The following SH3BP4 variants were observed in gnomAD, a reference collection of about 807,000 sequenced individuals.
SH3BP4 encodes SH3 domain-binding protein 4.
Under a neutral mutation model 65.5 loss-of-function variants are expected in SH3BP4, and 33 were observed. That is an observed-to-expected ratio of 0.50 (90% CI 0.38 to 0.67). SH3BP4 has a LOEUF of 0.67. SH3BP4 is among the 30% of genes least tolerant of loss of function. The pLI is 0.00. For synonymous variants in SH3BP4, 552 were observed against 545.5 expected, an observed-to-expected ratio of 1.01 and a Z score of -0.17; for missense variants, 1,134 against 1,261.4, an observed-to-expected ratio of 0.90 and a Z score of 1.53.
At chr2:235,024,884 A>G (rs6706071) in intron 2 of SH3BP4, among the ~76,000 whole-genome samples, 28,686 of 151,998 alleles carry the variant, frequency 0.19, 3,090 homozygotes, top group East Asian at 0.42. Context: ...TTGCGGTCTT[A>G]AGTGGCAGGT....
intron 1 of SH3BP4, among the ~76,000 whole-genome samples, chr2:234,984,077 G>C (rs1188746205): frequency 6.6e-6 from 1 of 152,240 alleles, no homozygotes; most frequent in Non-Finnish European, 1.5e-5. Context: ...CTGCTGACAC[G>C]TGGGCTGGGG....
chr2:235,042,326 G>C lies in SH3BP4; in HGVS notation c.1557G>C (p.Val519=). 1 of 1,614,112 alleles carries C rather than the reference G, an allele frequency of 6.2e-7. No individual in the cohort carries two copies. Among genetic ancestry groups the C allele is most frequent in the Non-Finnish European group, 8.5e-7 (1 of 1,180,018 alleles). ...GCCAGGCACCCAACCCTGCCCCGGT[G>C]GCCCTGCAGCTGTGGGGGAAGCACC... ...VTRQAPNPAP[V]ALQLWGKHQF... Residue 519 remains valine, a synonymous_variant, in exon 4 of 6, where the codon GTG becomes GTC. Transcript: ENST00000392011. The surrounding 1 kb of genome is among the most constrained non-coding windows in gnomAD (Gnocchi z 7.3).
chr2:234,997,939 G>A lies in SH3BP4; in HGVS notation c.-133+2563G>A, dbSNP rs1170507127. Among the ~76,000 whole-genome samples the A allele has an allele frequency of 2.6e-5, 4 of 152,008 alleles. No homozygotes were observed. Among genetic ancestry groups the A allele is most frequent in the Non-Finnish European group, 5.9e-5 (4 of 68,026 alleles). ...AGATCAAGACCATCCTGTCTAACAC[G>A]GTGAAACCCTGTCTCTACTAAAAAT... On this transcript the variant is annotated intron_variant, in intron 2 of 5. Coordinates refer to ENST00000392011, the MANE Select transcript of SH3BP4 (RefSeq NM_014521.3). This position sits in a 1 kb window ranked among gnomAD's most constrained non-coding sequence, Gnocchi z 4.2.
rs1574837351 is a variant in SH3BP4 at position 235,034,433 on chromosome 2, A to G, written c.-132-438A>G. 1.3e-5 allele frequency among the ~76,000 whole-genome samples: 2 copies of G among 152,126 alleles called. No individual in the cohort carries two copies. Among genetic ancestry groups the G allele is most frequent in the African/African-American group, 2.4e-5 (1 of 41,440 alleles). On this transcript the variant is annotated intron_variant, in intron 2 of 5. Transcript: ENST00000392011. This position sits in a 1 kb window ranked among gnomAD's most constrained non-coding sequence, Gnocchi z 6.2. Reference sequence around the variant, plus strand: ...GGCTGCTTCCCGGGGCCGAGTCACCATGATGACTGCCCCTGCGCTGGGATC... The same window carrying G: ...GGCTGCTTCCCGGGGCCGAGTCACCGTGATGACTGCCCCTGCGCTGGGATC...
At chr2:235,010,614 A>T (rs1694450444) in intron 2 of SH3BP4, among the ~76,000 whole-genome samples, 1 of 152,180 alleles carries the variant, frequency 6.6e-6, no homozygotes, top group South Asian at 2.1e-4. Context: ...CTGCTGTAAC[A>T]CAGTGCCAAG....
In SH3BP4 at chr2:235,042,656, C is replaced by T. The variant is rs553943312; in HGVS notation, c.1887C>T (p.Asn629=). 26 of 1,614,142 alleles carry T rather than the reference C, an allele frequency of 1.6e-5. No individual in the cohort carries two copies. Among genetic ancestry groups the T allele is most frequent in the African/African-American group, 5.3e-5 (4 of 75,020 alleles). Residue 629 remains asparagine, a synonymous_variant, in exon 4 of 6, where the codon AAC becomes AAT. Transcript: ENST00000392011. The surrounding 1 kb of genome is among the most constrained non-coding windows in gnomAD (Gnocchi z 7.3). ...GGCAAAGGAGGTTTCTCAAGAAGAA[C>T]GAAGTCGGGAAAATCATCCTGTCCC... is the stretch of plus-strand genomic sequence containing the variant. ...PSGQRRFLKK[N]EVGKIILSPF... is the part of the protein sequence containing the mutation.
chr2:234,989,502 C>T (rs565719534), intron 1 of SH3BP4, among the ~76,000 whole-genome samples: 2 of 152,198 alleles, frequency 1.3e-5, no homozygotes, highest in Admixed American at 1.3e-4. Flanking sequence ...GCCTACATCC[C>T]GCCTGGCCCT....
chr2:234,989,218 A>G (rs1693676018), intron 1 of SH3BP4, among the ~76,000 whole-genome samples: 1 of 152,044 alleles, frequency 6.6e-6, no homozygotes, highest in African/African-American at 2.4e-5. Context: ...GTGCATGAGG[A>G]CTGATTGTGC....
chr2:234,986,804 A>T, intron 1 of SH3BP4, among the ~76,000 whole-genome samples: 1 of 122,994 alleles, frequency 8.1e-6, no homozygotes, highest in Non-Finnish European at 1.8e-5. Flanking sequence ...TATGCTAATG[A>T]TTTTATTTTT....
At position 234,994,898 on chromosome 2, in the gene SH3BP4, C is replaced by T. The variant is rs929502127; in HGVS notation, c.-206-405C>T. 4.6e-5 allele frequency: 7 copies of T among 152,430 alleles called. No homozygotes were observed. The South Asian group carries it at 8.3e-4, about 18-fold the overall frequency. 9.4% of individuals were successfully genotyped at this position (152,430 alleles called of 1,614,324 possible). ...GGGATGCAGCCTCCATGCAGCCTGTCGCTTTCTCCACAGGAGCTCTGGCCT... is the reference window on the plus strand; with the variant it reads ...GGGATGCAGCCTCCATGCAGCCTGTTGCTTTCTCCACAGGAGCTCTGGCCT... On this transcript the variant is annotated intron_variant, in intron 1 of 5. Transcript: ENST00000392011.
intron 3 of SH3BP4, among the ~76,000 whole-genome samples, chr2:235,036,763 G>A (rs2106326878): frequency 1.4e-5 from 1 of 73,900 alleles, no homozygotes; most frequent in East Asian, 9.0e-4. Flanking sequence ...AATAATGACA[G>A]TGCTCTGGAG....
chr2:234,989,465 G>GT (rs1478175746), intron 1 of SH3BP4, among the ~76,000 whole-genome samples: 1 of 152,200 alleles, frequency 6.6e-6, no homozygotes, highest in Non-Finnish European at 1.5e-5. Context: ...ATGTACCCGG[G>GT]TGAATGCCCA....
intron 4 of SH3BP4, among the ~76,000 whole-genome samples, chr2:235,050,073 G>C (rs1695997946): frequency 6.6e-6 from 1 of 152,156 alleles, no homozygotes; most frequent in Non-Finnish European, 1.5e-5. Context: ...GGGGAGCGGA[G>C]GAGCTGAGTG....
chr2:235,028,796 C>T (rs1187848649), intron 2 of SH3BP4, among the ~76,000 whole-genome samples: 4 of 152,124 alleles, frequency 2.6e-5, no homozygotes, highest in Admixed American at 6.5e-5. Context: ...GAGAGCATCT[C>T]GTGTCTAGGC....
intron 1 of SH3BP4, among the ~76,000 whole-genome samples, chr2:234,960,201 G>A (rs1288654693): frequency 6.6e-6 from 1 of 152,226 alleles, no homozygotes; most frequent in Non-Finnish European, 1.5e-5. Flanking sequence ...CAGGGCCTAT[G>A]CCCCATTGCA....
chr2:235,042,683 G>C lies in SH3BP4; in HGVS notation c.1914G>C (p.Pro638=). ...KNEVGKIILS[P]FATTTKYPTF... ...AAGTCGGGAAAATCATCCTGTCCCC[G>C]TTTGCCACCACTACAAAGTACCCGA... The change falls in exon 4 of 6, where the codon CCG becomes CCC. Residue 638 remains proline (P), a synonymous_variant. Transcript: ENST00000392011. This position sits in a 1 kb window ranked among gnomAD's most constrained non-coding sequence, Gnocchi z 7.3. 5 of 1,614,160 alleles carry C rather than the reference G, an allele frequency of 3.1e-6. No homozygotes were observed. The highest frequency in any genetic ancestry group is 4.2e-6 in the Non-Finnish European group (5 of 1,180,038).
At chr2:234,999,094 T>C (rs899208151) in intron 2 of SH3BP4, among the ~76,000 whole-genome samples, 3 of 152,170 alleles carry the variant, frequency 2.0e-5, no homozygotes, top group Non-Finnish European at 2.9e-5. Flanking sequence ...AAATGCACGT[T>C]GGTGAGGCCA....
chr2:234,981,157 C>T (rs1188148210), intron 1 of SH3BP4, among the ~76,000 whole-genome samples: 1 of 152,212 alleles, frequency 6.6e-6, no homozygotes, highest in Non-Finnish European at 1.5e-5. Context: ...CTGAATTTTT[C>T]TGTCCCGGGA....
rs191457428 is a variant in SH3BP4, at chr2:234,998,082, C to G, written c.-133+2706C>G. 7.0e-4 allele frequency among the ~76,000 whole-genome samples: 107 copies of G among 152,142 alleles called. 1 individual carries two copies. In the East Asian group the frequency reaches 0.019, roughly 27 times the overall value. ...AGATTGCAGTGAGCTGAGATTGCAC[C>G]ACTGCACTCCAGCCTGGGCGACAGA... On this transcript the variant is annotated intron_variant, in intron 2 of 5. Coordinates refer to ENST00000392011, the MANE Select transcript of SH3BP4 (RefSeq NM_014521.3).
Sources: gnomAD v4.1 joint callset for allele counts (sites outside exome capture counted in the v4.1 genomes callset) on GRCh38, gnomAD v4.1.1 for gene constraint, Gnocchi (gnomAD v3.1) non-coding constraint, MANE v1.5 for transcripts, NCBI Gene and HGNC (gene_info 2026-07-23, HGNC 2026-07-21) for gene names.